Variants in TRIM33 observed in about 807,000 individuals in gnomAD.
TRIM33 encodes E3 ubiquitin-protein ligase TRIM33.
A neutral mutation model predicts 125.4 loss-of-function variants in TRIM33; 20 were observed. That is an observed-to-expected ratio of 0.16 (90% CI 0.11 to 0.23). The LOEUF is 0.23. Among genes scored for constraint, TRIM33 ranks in the 10% least tolerant of loss-of-function variants. The pLI, the probability that TRIM33 is intolerant of heterozygous loss-of-function variation, is 1.00. For missense variants in TRIM33, 920 were observed against 1,411.4 expected (o/e 0.65, Z 5.58); for synonymous variants, 564 against 513.9 (o/e 1.10, Z -1.32).
At chr1:114,467,936 G>A (rs1235941968) in intron 1 of TRIM33, among the ~76,000 whole-genome samples, 1 of 152,202 alleles carries the variant, frequency 6.6e-6, no homozygotes, top group South Asian at 2.1e-4. Flanking sequence ...AGAGAGGGGA[G>A]TTGAGAGAAT....
At chr1:114,430,116 A>C (rs1440876040) in intron 6 of TRIM33, among the ~76,000 whole-genome samples, 2 of 152,094 alleles carry the variant, frequency 1.3e-5, no homozygotes, top group Non-Finnish European at 1.5e-5. Context: ...AAATGACTCA[A>C]GCAGAAGCCC....
intron 1 of TRIM33, among the ~76,000 whole-genome samples, chr1:114,474,578 TAAAAA>T (rs34473575): frequency 1.3e-5 from 1 of 78,984 alleles, no homozygotes; most frequent in South Asian, 5.2e-4. Flanking sequence ...TGTCTCTATT[TAAAAA>T]AAAAAAAAAA....
chr1:114,411,384 T>C (rs1471522412), intron 11 of TRIM33, among the ~76,000 whole-genome samples: 3 of 152,202 alleles, frequency 2.0e-5, no homozygotes, highest in Admixed American at 1.3e-4. Context: ...AGTAGGTTAG[T>C]TGGAGGGATA....
intron 6 of TRIM33, among the ~76,000 whole-genome samples, chr1:114,429,360 G>T (rs1038805757): frequency 2.1e-4 from 30 of 141,922 alleles, no homozygotes; most frequent in East Asian, 1.8e-3. Context: ...GCTAATTTTT[G>T]TTTTTTTTTT....
intron 15 of TRIM33, 192 bp downstream of exon 15, chr1:114,405,218 A>G: frequency 1.9e-6 from 1 of 529,656 alleles, no homozygotes; most frequent in Non-Finnish European, 3.3e-6. Flanking sequence ...ACTCTTTAAC[A>G]TTAATGTACT....
At chr1:114,440,769 A>G (rs1338148221) in intron 4 of TRIM33, among the ~76,000 whole-genome samples, 2 of 151,990 alleles carry the variant, frequency 1.3e-5, no homozygotes, top group Admixed American at 6.6e-5. Flanking sequence ...AAAGGGGGGG[A>G]ATACAAACAT....
At chr1:114,493,363 T>A (rs1246226898) in intron 1 of TRIM33, among the ~76,000 whole-genome samples, 1 of 152,232 alleles carries the variant, frequency 6.6e-6, no homozygotes, top group Non-Finnish European at 1.5e-5. Context: ...AATAATGGCC[T>A]TCAATGTACA....
intron 1 of TRIM33, among the ~76,000 whole-genome samples, chr1:114,495,994 T>C (rs1209761882): frequency 6.6e-6 from 1 of 152,320 alleles, no homozygotes; most frequent in African/African-American, 2.4e-5. Flanking sequence ...CCCTTTTATA[T>C]GCCTCACAAC....
intron 4 of TRIM33, among the ~76,000 whole-genome samples, chr1:114,435,584 T>A (rs1490156237): frequency 6.6e-6 from 1 of 152,124 alleles, no homozygotes; most frequent in Non-Finnish European, 1.5e-5. Flanking sequence ...TAAAGGGAAG[T>A]TTACTTAGTA....
In TRIM33 at chr1:114,460,519, C is replaced by A. The variant is rs1649904991; in HGVS notation, c.923+2585G>T. Among the ~76,000 whole-genome samples the A allele has an allele frequency of 2.0e-5, 3 of 150,950 alleles. No individual in the cohort carries two copies. In the South Asian group the frequency reaches 6.3e-4, roughly 32 times the overall value. The stretch of plus-strand genomic sequence containing the variant: ...ATAACACCCTAATTTCCCAAATAAG[C>A]CTGTTTCAATTGGCATGATAATGAG... On this transcript the variant is annotated intron_variant, in intron 4 of 19. Coordinates refer to ENST00000358465, the MANE Select transcript of TRIM33 (RefSeq NM_015906.4).
At chr1:114,398,813 G>A (rs1348511427) in intron 18 of TRIM33, among the ~76,000 whole-genome samples, 1 of 140,612 alleles carries the variant, frequency 7.1e-6, no homozygotes, top group Admixed American at 7.4e-5. Context: ...TAATAGAATC[G>A]ATTTTATCCC....
At chr1:114,506,560 G>T (rs1382498328) in intron 1 of TRIM33, among the ~76,000 whole-genome samples, 1 of 151,968 alleles carries the variant, frequency 6.6e-6, no homozygotes, top group Non-Finnish European at 1.5e-5. Context: ...GAGAGACAGG[G>T]TCTTGCTATG....
intron 1 of TRIM33, among the ~76,000 whole-genome samples, chr1:114,478,422 C>T (rs1299295704): frequency 3.3e-5 from 5 of 152,102 alleles, no homozygotes; most frequent in Non-Finnish European, 7.4e-5. Flanking sequence ...GCAGATCAAC[C>T]ACATTAATAC....
At chr1:114,468,616 C>G in intron 1 of TRIM33, 2 of 417,152 alleles carry the variant, frequency 4.8e-6, no homozygotes, top group South Asian at 3.8e-5. Flanking sequence ...TGTAAAGGAT[C>G]TTAAGATTGA....
At chr1:114,483,478 A>G (rs1651480656) in intron 1 of TRIM33, among the ~76,000 whole-genome samples, 4 of 150,750 alleles carry the variant, frequency 2.7e-5, no homozygotes, top group Middle Eastern at 6.8e-3. Context: ...GTGCAGTGGC[A>G]TGATCTCACT....
intron 4 of TRIM33, among the ~76,000 whole-genome samples, chr1:114,446,218 C>T (rs951833285): frequency 6.6e-6 from 1 of 152,078 alleles, no homozygotes; most frequent in Non-Finnish European, 1.5e-5. Context: ...ACCTGCAAAA[C>T]AAGAAATGCT....
At chr1:114,449,215 G>A (rs1263924447) in intron 4 of TRIM33, among the ~76,000 whole-genome samples, 1 of 151,970 alleles carries the variant, frequency 6.6e-6, no homozygotes, top group Admixed American at 6.6e-5. Flanking sequence ...AGTCATACAC[G>A]AGATGTGAAA....
Position 114,468,979 on chromosome 1 carries a change from A to C in TRIM33, c.527-4591T>G, listed in dbSNP as rs1650478141. ...TTTTGTCAACTTTACAGATATTTGTAAACTATTACATCATCAGCCCAAACA... is the reference window on the plus strand; with the variant it reads ...TTTTGTCAACTTTACAGATATTTGTCAACTATTACATCATCAGCCCAAACA... On this transcript the variant is annotated intron_variant, in intron 1 of 19. Coordinates refer to ENST00000358465, the MANE Select transcript of TRIM33 (RefSeq NM_015906.4). 1.3e-5 allele frequency: 3 copies of C among 225,818 alleles called. No homozygotes were observed. In the South Asian group the frequency reaches 1.9e-4, roughly 14 times the overall value. The allele number at this position is 225,818 out of a possible 1,614,324, so 14.0% of individuals were successfully genotyped here. A position where few individuals can be genotyped will look rare whatever the true frequency, so the allele number is the denominator to read the frequency against.
intron 4 of TRIM33, among the ~76,000 whole-genome samples, chr1:114,448,873 A>G (rs941296174): frequency 1.3e-5 from 2 of 152,208 alleles, no homozygotes; most frequent in African/African-American, 4.8e-5. Context: ...AAGATCTAGT[A>G]TATGACTATG....
Sources: allele counts gnomAD v4.1 joint callset (sites outside exome capture counted in the v4.1 genomes callset), GRCh38; gene constraint gnomAD v4.1.1; transcripts MANE v1.5; gene names NCBI Gene and HGNC (gene_info 2026-07-23, HGNC 2026-07-21).